TEAD1: variants seen among roughly 807,000 people sequenced by gnomAD.
TEAD1 encodes the protein TEA domain transcription factor 1.
TEAD1 carries 9 observed loss-of-function variants against 54.9 expected under a neutral mutation model. The ratio of observed to expected loss-of-function variants is 0.16; its 90% CI spans 0.10 to 0.29. TEAD1 has a LOEUF of 0.29. Ranked by LOEUF, TEAD1 falls within the 10% of genes least tolerant of loss-of-function variation. The pLI is 1.00. For missense variants in TEAD1, 387 were observed against 535.9 expected (o/e 0.72, Z 2.74); for synonymous variants, 200 against 187.8 (o/e 1.07, Z -0.53).
At chr11:12,746,055 T>C (rs961129560) in intron 2 of TEAD1, among the ~76,000 whole-genome samples, 2 of 152,068 alleles carry the variant, frequency 1.3e-5, no homozygotes, top group African/African-American at 4.8e-5. Context: ...GTGTGTGGAG[T>C]AAACCAGGAT....
intron 2 of TEAD1, among the ~76,000 whole-genome samples, chr11:12,750,785 G>A (rs1408373957): frequency 6.6e-6 from 1 of 152,144 alleles, no homozygotes; most frequent in Non-Finnish European, 1.5e-5. Context: ...TGTGAGTCTG[G>A]ATTAGCCTTT....
chr11:12,788,958 C>T (rs1945741588), intron 3 of TEAD1, among the ~76,000 whole-genome samples: 1 of 152,126 alleles, frequency 6.6e-6, no homozygotes, highest in South Asian at 2.1e-4. Flanking sequence ...CTGTGTTGCC[C>T]ACGCTGGTCT....
intron 9 of TEAD1, among the ~76,000 whole-genome samples, chr11:12,892,609 T>A (rs6486067): frequency 0.99 from 151,079 of 152,302 alleles, 74,943 homozygotes; most frequent in Middle Eastern, 1. Context: ...GCGCCATTGC[T>A]CTCCAGCCTG....
chr11:12,899,158 G>A (rs2134124826), intron 9 of TEAD1, among the ~76,000 whole-genome samples: 1 of 152,294 alleles, frequency 6.6e-6, no homozygotes, highest in South Asian at 2.1e-4. Context: ...TGTATCTCAT[G>A]CCTTCCATAA....
chr11:12,869,508 C>T (rs1485821824), intron 5 of TEAD1, among the ~76,000 whole-genome samples: 1 of 152,138 alleles, frequency 6.6e-6, no homozygotes, highest in Non-Finnish European at 1.5e-5. Context: ...TTTTCAATAG[C>T]AGCATTTAAA....
In TEAD1 at chr11:12,774,544, C is replaced by T. The variant is rs1020658770; in HGVS notation, c.202+10110C>T. Among the ~76,000 whole-genome samples, 3 of 152,212 alleles carry T rather than the reference C, an allele frequency of 2.0e-5. No homozygotes were observed. In the East Asian group the frequency reaches 5.8e-4, roughly 29 times the overall value. ...AGAAAATGCCAACATTTCTACCTTC[C>T]TCTTCCCAAATTCTTCAGTTGGTCC... On this transcript the variant is annotated intron_variant, in intron 3 of 12. Transcript: ENST00000527636.
chr11:12,835,518 G>A (rs115704041), intron 3 of TEAD1, among the ~76,000 whole-genome samples: 1,598 of 148,484 alleles, frequency 0.011, 30 homozygotes, highest in African/African-American at 0.038. Flanking sequence ...TAGGGGTTTC[G>A]CAATGTTGAC....
rs1415253180 is a variant in TEAD1, at chr11:12,781,981, AAAGAAAAAG to A, written c.202+17550_202+17558del. On this transcript the variant is annotated intron_variant, in intron 3 of 12. Transcript: ENST00000527636. ...AAAAAAAAAAAAAAAAGAAAGAAAAAAAGAAAAAGAAAAAAAAAATTAGCCAAGCGTGGT... is the reference window on the plus strand; with the variant it reads ...AAAAAAAAAAAAAAAAGAAAGAAAAAAAAAAAAAAATTAGCCAAGCGTGGT... Among the ~76,000 whole-genome samples the A allele has an allele frequency of 1.6e-3, 213 of 134,824 alleles. 13 individuals carry two copies. Among genetic ancestry groups the A allele is most frequent in the African/African-American group, 7.8e-3 (202 of 26,004 alleles). 88.4% of individuals were successfully genotyped at this position (134,824 alleles called of 152,430 possible). A position where few individuals can be genotyped will look rare whatever the true frequency, so the allele number is the denominator to read the frequency against.
intron 3 of TEAD1, among the ~76,000 whole-genome samples, chr11:12,776,941 T>C (rs1187466829): frequency 6.6e-6 from 1 of 151,948 alleles, no homozygotes; most frequent in Non-Finnish European, 1.5e-5. Flanking sequence ...ATTACAGGCA[T>C]GCACCACCAT....
chr11:12,780,771 C>T (rs1306873634), intron 3 of TEAD1, among the ~76,000 whole-genome samples: 1 of 152,198 alleles, frequency 6.6e-6, no homozygotes, highest in East Asian at 1.9e-4. Flanking sequence ...GCTAAGACAG[C>T]AGTACCTACA....
chr11:12,720,068 G>T (rs1446896200), intron 2 of TEAD1, among the ~76,000 whole-genome samples: 1 of 142,048 alleles, frequency 7.0e-6, no homozygotes, highest in Admixed American at 7.7e-5. Context: ...CTCTGGCCTT[G>T]GTCTCTCCTG....
chr11:12,726,700 C>T (rs1239818900), intron 2 of TEAD1, among the ~76,000 whole-genome samples: 1 of 152,086 alleles, frequency 6.6e-6, no homozygotes, highest in African/African-American at 2.4e-5. Flanking sequence ...ACAAAAAATA[C>T]AAAAATTAAC....
At chr11:12,935,187 G>C (rs953465041) in intron 12 of TEAD1, among the ~76,000 whole-genome samples, 12 of 152,288 alleles carry the variant, frequency 7.9e-5, no homozygotes, top group South Asian at 4.1e-4. Flanking sequence ...TAGAACAGGG[G>C]AATTTGACCT....
At chr11:12,873,797 A>AT (rs1947801993) in intron 5 of TEAD1, among the ~76,000 whole-genome samples, 1 of 152,226 alleles carries the variant, frequency 6.6e-6, no homozygotes, top group African/African-American at 2.4e-5. Context: ...ATGGCTAATA[A>AT]TTGCAGAGGT....
chr11:12,805,086 G>A (rs540462548), intron 3 of TEAD1, among the ~76,000 whole-genome samples: 2 of 152,274 alleles, frequency 1.3e-5, no homozygotes, highest in Admixed American at 1.3e-4. Flanking sequence ...TTCTGCTTTA[G>A]GATATAGCGA....
At chr11:12,695,512 C>T (rs540340573) in intron 2 of TEAD1, among the ~76,000 whole-genome samples, 14 of 152,056 alleles carry the variant, frequency 9.2e-5, no homozygotes, top group Non-Finnish European at 1.5e-4. Flanking sequence ...AATTGCTTAT[C>T]GTCTCTAGAC....
intron 3 of TEAD1, among the ~76,000 whole-genome samples, chr11:12,811,752 T>G (rs1235405401): frequency 1.5e-5 from 2 of 135,350 alleles, no homozygotes; most frequent in Admixed American, 8.8e-5. Flanking sequence ...CTTAGGGGAG[T>G]GGTCTTGCCC....
In TEAD1 at chr11:12,907,379, A is replaced by G. The variant is rs556206784; in HGVS notation, c.873+5266A>G. Among the ~76,000 whole-genome samples, 30 of 152,260 alleles carry G rather than the reference A, an allele frequency of 2.0e-4. 1 individual carries two copies. In the South Asian group the frequency reaches 6.2e-3, roughly 32 times the overall value. On this transcript the variant is annotated intron_variant, in intron 10 of 12. Transcript: ENST00000527636. Reference sequence around the variant, plus strand: ...GTAGGGAGCAGTCGGTGTTTTAACAATTTTTCAGTCAACAGAGTAATGGGA... The same window carrying G: ...GTAGGGAGCAGTCGGTGTTTTAACAGTTTTTCAGTCAACAGAGTAATGGGA...
At chr11:12,723,933 G>T (rs986068911) in intron 2 of TEAD1, among the ~76,000 whole-genome samples, 2 of 152,126 alleles carry the variant, frequency 1.3e-5, no homozygotes, top group African/African-American at 2.4e-5. Flanking sequence ...TGGAATGCTC[G>T]CCATCCTCAG....
Sources: allele counts gnomAD v4.1 joint callset (sites outside exome capture counted in the v4.1 genomes callset), GRCh38; gene constraint gnomAD v4.1.1; transcripts MANE v1.5; gene names NCBI Gene and HGNC (gene_info 2026-07-23, HGNC 2026-07-21).